RASAL2: variants seen among roughly 807,000 people sequenced by gnomAD.
RASAL2 encodes ras GTPase-activating protein nGAP.
Under a neutral mutation model 128.9 loss-of-function variants are expected in RASAL2, and 58 were observed. The ratio of observed to expected loss-of-function variants is 0.45; its 90% confidence interval spans 0.36 to 0.56. The LOEUF is 0.56. Among genes scored for constraint, RASAL2 ranks in the 20% least tolerant of loss-of-function variants. RASAL2 has a pLI of 0.00. For missense variants in RASAL2, 1,360 were observed against 1,601.6 expected (o/e 0.85, Z 2.57); for synonymous variants, 561 against 580.8 (o/e 0.97, Z 0.49).
At chr1:178,114,855 C>T (rs751613840) in intron 1 of RASAL2, among the ~76,000 whole-genome samples, 1 of 152,212 alleles carries the variant, frequency 6.6e-6, no homozygotes, top group Non-Finnish European at 1.5e-5. Flanking sequence ...ACAATCCTGG[C>T]ATAAACCTTA....
At chr1:178,266,925 G>A (rs770906044) in intron 1 of RASAL2, among the ~76,000 whole-genome samples, 8 of 152,180 alleles carry the variant, frequency 5.3e-5, no homozygotes, top group Admixed American at 2.0e-4. Context: ...AAGAGAACAA[G>A]GGTAGGAATC....
At chr1:178,259,081 AG>A (rs1182014170) in intron 1 of RASAL2, among the ~76,000 whole-genome samples, 1 of 141,706 alleles carries the variant, frequency 7.1e-6, no homozygotes, top group Non-Finnish European at 1.5e-5. Flanking sequence ...CTTAGGGCCG[AG>A]GGGGATGGGT....
intron 1 of RASAL2, among the ~76,000 whole-genome samples, chr1:178,252,041 G>A (rs1294356103): frequency 6.6e-6 from 1 of 152,072 alleles, no homozygotes. Context: ...GAAAAATTAT[G>A]TTATTTAAGA....
At chr1:178,454,196 T>TAAAAAAAAAAAAAAA (rs56786408) in intron 11 of RASAL2, among the ~76,000 whole-genome samples, 1 of 80,234 alleles carries the variant, frequency 1.2e-5, no homozygotes. Flanking sequence ...ATCCCAGAAC[T>TAAAAAAAAAAAAAAA]AAAAAAAAAA....
chr1:178,094,720 G>A, intron 1 of RASAL2, 26 bp downstream of exon 1: 1 of 1,612,028 alleles, frequency 6.2e-7, no homozygotes, highest in Non-Finnish European at 8.5e-7. Flanking sequence ...CGTCTTAGAG[G>A]CTGGTGTTTC....
intron 3 of RASAL2, among the ~76,000 whole-genome samples, chr1:178,356,078 G>A (rs1289084941): frequency 1.3e-5 from 2 of 148,512 alleles, no homozygotes; most frequent in African/African-American, 5.0e-5. Context: ...CTGAGGCAGA[G>A]AATCGCTTGA....
intron 3 of RASAL2, among the ~76,000 whole-genome samples, chr1:178,351,659 G>A (rs1434834021): frequency 6.6e-6 from 1 of 151,214 alleles, no homozygotes; most frequent in Admixed American, 6.6e-5. Context: ...AACCCGTGAG[G>A]CAGAGCTTGC....
intron 3 of RASAL2, among the ~76,000 whole-genome samples, chr1:178,379,253 C>T (rs1379630160): frequency 6.6e-6 from 1 of 152,068 alleles, no homozygotes; most frequent in Non-Finnish European, 1.5e-5. Flanking sequence ...CAGTGGAGCA[C>T]ACCTGTAGTC....
At position 178,333,319 on chromosome 1, in the gene RASAL2, G is replaced by A. The variant is rs1027131990; in HGVS notation, c.457+33201G>A. On this transcript the variant is annotated intron_variant, in intron 3 of 17. Coordinates refer to ENST00000367649, the MANE Select transcript of RASAL2 (RefSeq NM_170692.4). ...TGGGATTACAGGCGTAAGCCACCGC[G>A]CCCGGCCAGATTTATTAATATCTCT... 2.6e-5 allele frequency among the ~76,000 whole-genome samples: 4 copies of A among 152,142 alleles called. No individual in the cohort carries two copies. The South Asian group carries it at 6.2e-4, about 24-fold the overall frequency.
intron 1 of RASAL2, among the ~76,000 whole-genome samples, chr1:178,275,781 CAT>C (rs1322775396): frequency 2.6e-5 from 4 of 152,210 alleles, no homozygotes; most frequent in Admixed American, 6.5e-5. Flanking sequence ...AGAAGTATCA[CAT>C]GTTATCTCTT....
chr1:178,390,302 C>T (rs1403436231), intron 4 of RASAL2, 96 bp downstream of exon 4: 4 of 799,842 alleles, frequency 5.0e-6, no homozygotes, highest in Non-Finnish European at 7.9e-6. Flanking sequence ...AAACATTCTT[C>T]TCTTCAAGAA....
chr1:178,163,646 A>G (rs1175270705), intron 1 of RASAL2, among the ~76,000 whole-genome samples: 1 of 152,150 alleles, frequency 6.6e-6, no homozygotes, highest in Non-Finnish European at 1.5e-5. Context: ...CTGTGTGTCT[A>G]TCCTATGTTT....
chr1:178,237,510 G>A (rs746940443), intron 1 of RASAL2, among the ~76,000 whole-genome samples: 2 of 152,158 alleles, frequency 1.3e-5, no homozygotes, highest in East Asian at 3.9e-4. Flanking sequence ...TCTTATTCCA[G>A]TCTAACCAGT....
chr1:178,234,042 A>C (rs1471167606), intron 1 of RASAL2, among the ~76,000 whole-genome samples: 1 of 152,240 alleles, frequency 6.6e-6, no homozygotes, highest in Non-Finnish European at 1.5e-5. Context: ...TCACTGCTTC[A>C]GAAACCTTTT....
intron 1 of RASAL2, among the ~76,000 whole-genome samples, chr1:178,160,336 T>C (rs932089476): frequency 2.0e-5 from 3 of 152,216 alleles, no homozygotes; most frequent in African/African-American, 4.8e-5. Context: ...GTCGTATTTG[T>C]ATTAAACCTA....
chr1:178,328,125 A>G (rs1669123212), intron 3 of RASAL2, among the ~76,000 whole-genome samples: 1 of 152,186 alleles, frequency 6.6e-6, no homozygotes, highest in African/African-American at 2.4e-5. Flanking sequence ...TTATGGTAGC[A>G]CTAGGGAAAT....
At chr1:178,182,926 T>C (rs1662164273) in intron 1 of RASAL2, among the ~76,000 whole-genome samples, 1 of 152,134 alleles carries the variant, frequency 6.6e-6, no homozygotes, top group South Asian at 2.1e-4. Context: ...TTAAGATTCT[T>C]GTAAGGAGTG....
rs200932615 is a variant in RASAL2 at position 178,164,823 on chromosome 1, T to TTGTGTG, written c.202+70167_202+70172dup. Among the ~76,000 whole-genome samples the TTGTGTG allele has an allele frequency of 6.8e-3, 897 of 131,976 alleles. 8 individuals carry two copies. Among genetic ancestry groups the TTGTGTG allele is most frequent in the Middle Eastern group, 0.012 (3 of 248 alleles). 86.6% of individuals were successfully genotyped at this position (131,976 alleles called of 152,430 possible). A position where few individuals can be genotyped will look rare whatever the true frequency, so the allele number is the denominator to read the frequency against. ...AACATACGCTTTGTTCATCAAACGT[T>TTGTGTG]TGTGTGTGTGTGTGTGTGTGTGTGT... is the stretch of plus-strand genomic sequence containing the variant. On this transcript the variant is annotated intron_variant, in intron 1 of 17. Coordinates refer to ENST00000367649, the MANE Select transcript of RASAL2 (RefSeq NM_170692.4).
intron 3 of RASAL2, among the ~76,000 whole-genome samples, chr1:178,355,680 A>G (rs922651110): frequency 6.6e-6 from 1 of 152,258 alleles, no homozygotes; most frequent in African/African-American, 2.4e-5. Flanking sequence ...ACACTACTGA[A>G]AGTGCAAAAA....
Sources: gnomAD v4.1 joint callset for allele counts (sites outside exome capture counted in the v4.1 genomes callset) on GRCh38, gnomAD v4.1.1 for gene constraint, MANE v1.5 for transcripts, NCBI Gene and HGNC (gene_info 2026-07-23, HGNC 2026-07-21) for gene names.